The following LRTM3 variants were observed in gnomAD, a reference collection of about 807,000 sequenced individuals.
The protein encoded by LRTM3 is leucine rich repeat transmembrane protein 3.
the LRTM3 span, chr13:102,743,899 TAA>T: frequency 6.4e-7 from 1 of 1,550,740 alleles, no homozygotes; most frequent in Non-Finnish European, 8.7e-7. Flanking sequence ...TGAAGAAATC[TAA>T]AAGACCCAAG....
the LRTM3 span, chr13:102,741,728 T>C: frequency 1.3e-6 from 2 of 1,550,402 alleles, no homozygotes; most frequent in Non-Finnish European, 1.7e-6. Flanking sequence ...ATCTAGTCTC[T>C]TCGATCCTTC....
the LRTM3 span, chr13:102,741,254 T>A: frequency 6.5e-7 from 1 of 1,550,378 alleles, no homozygotes. Context: ...AAGATTTTCA[T>A]TGAAACTTTC....
At chr13:102,744,978 C>T in the LRTM3 span, 2 of 1,550,812 alleles carry the variant, frequency 1.3e-6, no homozygotes, top group Non-Finnish European at 1.7e-6. Flanking sequence ...TCACCATTTA[C>T]TGAGTCCTCT....
chr13:102,748,652 T>C, the LRTM3 span: 1 of 1,550,664 alleles, frequency 6.4e-7, no homozygotes, highest in Non-Finnish European at 8.7e-7. Context: ...CTTTGGAATA[T>C]GGAGATCAAA....
At chr13:102,741,399 C>T in the LRTM3 span, 2 of 1,550,048 alleles carry the variant, frequency 1.3e-6, no homozygotes, top group Non-Finnish European at 1.7e-6. Flanking sequence ...TTCTGCTCTG[C>T]AGGCACTTTG....
At chr13:102,758,969 C>T in the LRTM3 span, 2 of 1,264,588 alleles carry the variant, frequency 1.6e-6, no homozygotes, top group Non-Finnish European at 2.2e-6. Flanking sequence ...GTGTCTCATT[C>T]AGAAGTCCTT....
the LRTM3 span, chr13:102,735,231 C>G: frequency 1.3e-6 from 2 of 1,551,292 alleles, no homozygotes; most frequent in East Asian, 4.9e-5. Context: ...TTGTTGGGAT[C>G]CAGTACACTG....
chr13:102,733,493 C>T, the LRTM3 span: 38 of 1,551,152 alleles, frequency 2.4e-5, no homozygotes, highest in Non-Finnish European at 3.3e-5. Flanking sequence ...AGATATTTTC[C>T]TTATCAGTGA....
the LRTM3 span, chr13:102,748,767 G>A: frequency 1.1e-5 from 17 of 1,550,030 alleles, no homozygotes; most frequent in Non-Finnish European, 1.5e-5. Flanking sequence ...GTTTCTACTA[G>A]TAAACAAGGT....
the LRTM3 span, chr13:102,740,645 T>A: frequency 6.5e-7 from 1 of 1,548,566 alleles, no homozygotes; most frequent in African/African-American, 1.4e-5. Context: ...ATGTGGAATA[T>A]CCATAGCATC....
chr13:102,745,548 T>A, the LRTM3 span: 1 of 1,550,938 alleles, frequency 6.4e-7, no homozygotes, highest in African/African-American at 1.4e-5. Context: ...ATGTATGAAA[T>A]TGATGGCTTC....
At chr13:102,738,602 G>T in the LRTM3 span, 1 of 1,550,036 alleles carries the variant, frequency 6.5e-7, no homozygotes, top group Non-Finnish European at 8.7e-7. Context: ...AGATTCTAGG[G>T]CCTTTTTTAC....
the LRTM3 span, chr13:102,732,400 T>A: frequency 1.9e-6 from 3 of 1,551,410 alleles, no homozygotes; most frequent in Non-Finnish European, 2.6e-6. Context: ...GATTCTGGAT[T>A]TTCATAGTTA....
At chr13:102,744,288 AT>A in the LRTM3 span, 1 of 1,550,588 alleles carries the variant, frequency 6.4e-7, no homozygotes, top group Non-Finnish European at 8.7e-7. Context: ...CGGCTTTCAT[AT>A]TCAGATGACA....
the LRTM3 span, among the ~76,000 whole-genome samples, chr13:102,752,547 A>G: frequency 6.6e-6 from 1 of 152,280 alleles, no homozygotes; most frequent in East Asian, 1.9e-4. Context: ...GGTTAATTAG[A>G]ATTTGGGGTA....
the LRTM3 span, chr13:102,748,717 T>A: frequency 6.5e-7 from 1 of 1,549,698 alleles, no homozygotes; most frequent in Non-Finnish European, 8.7e-7. Flanking sequence ...CCTTTGCTTG[T>A]GTAATTGAGT....
At chr13:102,758,378 G>A in the LRTM3 span, 1 of 1,448,264 alleles carries the variant, frequency 6.9e-7, no homozygotes, top group South Asian at 1.3e-5. Flanking sequence ...ATTTCATTTA[G>A]CTTCAAAATA....
At chr13:102,731,934 T>C in the LRTM3 span, 3 of 1,550,968 alleles carry the variant, frequency 1.9e-6, no homozygotes, top group Non-Finnish European at 2.6e-6. Flanking sequence ...TTTTTAATGA[T>C]CCTTGAGACA....
chr13:102,741,146 T>C, the LRTM3 span: 20 of 1,549,122 alleles, frequency 1.3e-5, no homozygotes, highest in African/African-American at 2.6e-4. Context: ...ATTCTGATAA[T>C]AATTACTTAG....
Sources: gnomAD v4.1 joint callset for allele counts (sites outside exome capture counted in the v4.1 genomes callset) on GRCh38, gnomAD v4.1.1 for gene constraint, MANE v1.5 for transcripts, NCBI Gene and HGNC (gene_info 2026-07-23, HGNC 2026-07-21) for gene names.